RPTOR: variants seen among roughly 807,000 people sequenced by gnomAD.
RPTOR encodes regulatory associated protein of MTOR complex 1.
RPTOR carries 21 observed loss-of-function variants against 169.9 expected under a neutral mutation model. The observed-to-expected ratio is 0.12, with a 90% CI of 0.09 to 0.18. The LOEUF (loss-of-function observed/expected upper bound fraction) is 0.18. Among genes scored for constraint, RPTOR ranks in the 10% least tolerant of loss-of-function variants. The pLI, the probability that RPTOR is intolerant of heterozygous loss-of-function variation, is 1.00. For missense variants in RPTOR, 1,133 were observed against 1,855.9 expected (o/e 0.61, Z 7.16); for synonymous variants, 732 against 753.2 (o/e 0.97, Z 0.46).
In RPTOR at chr17:80,949,542, C is replaced by T. The variant is rs749994413; in HGVS notation, c.3365C>T (p.Thr1122Met). The change falls in exon 28 of 34, where the codon ACG becomes ATG. Residue 1122 changes from threonine (T) to methionine (M), a missense_variant. By Grantham distance (81) the Thr-to-Met change is moderately conservative. This residue lies in a region of RPTOR where 410 missense variants were observed against 623.7 expected (regional missense o/e 0.66). Coordinates refer to ENST00000306801, the MANE Select transcript of RPTOR (RefSeq NM_020761.3). Reference protein sequence around the residue: ...WQGLSDMLPTTRGAGMVVDWE... With the variant: ...WQGLSDMLPTMRGAGMVVDWE... The stretch of plus-strand genomic sequence containing the variant: ...GGGCTCTCGGACATGCTGCCAACGA[C>T]GCGAGGTGGGTCCGCCCGGCTCCTC... The T allele has an allele frequency of 4.0e-5, 65 of 1,613,450 alleles. No homozygotes were observed. Among genetic ancestry groups the T allele is most frequent in the Admixed American group, 3.0e-4 (18 of 60,012 alleles).
At chr17:80,601,034 C>T (rs1054635881) in intron 1 of RPTOR, among the ~76,000 whole-genome samples, 1 of 152,160 alleles carries the variant, frequency 6.6e-6, no homozygotes, top group African/African-American at 2.4e-5. Context: ...GGAAATGGCG[C>T]TCTTGGCTGG....
At chr17:80,701,715 G>A (rs902945549) in intron 3 of RPTOR, among the ~76,000 whole-genome samples, 1 of 152,194 alleles carries the variant, frequency 6.6e-6, no homozygotes, top group African/African-American at 2.4e-5. Flanking sequence ...CTATAGGATG[G>A]GAGGATGGCA....
intron 5 of RPTOR, 124 bp from the exon 6 acceptor site, chr17:80,753,886 T>C (rs370420927): frequency 1.0e-5 from 9 of 903,332 alleles, no homozygotes; most frequent in African/African-American, 3.3e-5. Flanking sequence ...CAGAGGACTT[T>C]CCAGTGAAAA....
At position 80,659,569 on chromosome 17, in the gene RPTOR, C is replaced by T. The variant is rs113548099; in HGVS notation, c.348+15759C>T. ...TGTCGCCAGGCTGGATACAGTGGCA[C>T]GATCTTGGCTCACTGCAACCTCTGC... On this transcript the variant is annotated intron_variant, in intron 3 of 33. Coordinates refer to ENST00000306801, the MANE Select transcript of RPTOR (RefSeq NM_020761.3). This position sits in a 1 kb window ranked among gnomAD's most constrained non-coding sequence, Gnocchi z 4.3. Among the ~76,000 whole-genome samples, 1,443 of 152,160 alleles carry T rather than the reference C, an allele frequency of 9.5e-3. 12 individuals carry two copies. The highest frequency in any genetic ancestry group is 0.016 in the Non-Finnish European group (1,081 of 68,006).
At chr17:80,907,690 T>G (rs778084737) in intron 20 of RPTOR, among the ~76,000 whole-genome samples, 6 of 152,242 alleles carry the variant, frequency 3.9e-5, no homozygotes, top group Non-Finnish European at 7.3e-5. Flanking sequence ...AATCTCTGAT[T>G]GGCTCCTGCA....
At chr17:80,728,627 G>C (rs1194264564) in intron 4 of RPTOR, among the ~76,000 whole-genome samples, 2 of 151,906 alleles carry the variant, frequency 1.3e-5, no homozygotes, top group Non-Finnish European at 2.9e-5. Flanking sequence ...TGATTTGTTT[G>C]TCTCCCTCAC....
chr17:80,665,338 C>T (rs1476096300), intron 3 of RPTOR, among the ~76,000 whole-genome samples: 3 of 5,830 alleles, frequency 5.1e-4, no homozygotes, highest in African/African-American at 4.5e-3. Context: ...TTTCCCTTTC[C>T]TTTCCTTTCC....
At chr17:80,829,520 C>T (rs932248903) in intron 9 of RPTOR, among the ~76,000 whole-genome samples, 6 of 152,178 alleles carry the variant, frequency 3.9e-5, no homozygotes, top group Non-Finnish European at 7.3e-5. Context: ...ACATCCAACC[C>T]GACACATCCA....
At chr17:80,824,743 C>T (rs1426231519) in intron 9 of RPTOR, among the ~76,000 whole-genome samples, 1 of 152,228 alleles carries the variant, frequency 6.6e-6, no homozygotes, top group African/African-American at 2.4e-5. Context: ...GGAATCAGTC[C>T]ATGGAAACCT....
At chr17:80,625,593 G>A in intron 1 of RPTOR, 98 bp from the exon 2 acceptor site, 1 of 920,312 alleles carries the variant, frequency 1.1e-6, no homozygotes. Flanking sequence ...GGGTAGGGAA[G>A]GGGCTCAATG....
chr17:80,928,165 C>CT (rs1212762095), intron 24 of RPTOR, among the ~76,000 whole-genome samples: 15 of 152,172 alleles, frequency 9.9e-5, no homozygotes, highest in African/African-American at 3.6e-4. Context: ...CTGATAGCAA[C>CT]TGCAGTCTTA....
intron 33 of RPTOR, 131 bp downstream of exon 33, chr17:80,963,188 A>G (rs1358554620): frequency 2.2e-6 from 2 of 913,372 alleles, no homozygotes; most frequent in Non-Finnish European, 3.3e-6. Context: ...TGCCTGAGGG[A>G]GGGACTTGCC....
At chr17:80,739,547 G>T (rs1423043966) in intron 5 of RPTOR, among the ~76,000 whole-genome samples, 1 of 152,134 alleles carries the variant, frequency 6.6e-6, no homozygotes, top group Non-Finnish European at 1.5e-5. Context: ...CGTCCATGCG[G>T]CATTCATCAA....
At chr17:80,868,689 CT>C (rs1449433117) in intron 13 of RPTOR, among the ~76,000 whole-genome samples, 2 of 152,172 alleles carry the variant, frequency 1.3e-5, no homozygotes, top group African/African-American at 4.8e-5. Flanking sequence ...TTCCTAGCAG[CT>C]TTATTTATAA....
intron 30 of RPTOR, among the ~76,000 whole-genome samples, chr17:80,961,163 A>G (rs1048842610): frequency 5.9e-5 from 9 of 152,218 alleles, no homozygotes; most frequent in African/African-American, 2.4e-5. Flanking sequence ...ACGGTGACCT[A>G]GGGCCCAGCC....
At chr17:80,606,945 G>C (rs533306675) in intron 1 of RPTOR, among the ~76,000 whole-genome samples, 3 of 152,196 alleles carry the variant, frequency 2.0e-5, no homozygotes, top group Non-Finnish European at 4.4e-5. Context: ...TCTAGAGGGA[G>C]CTACTCAGGT....
intron 3 of RPTOR, among the ~76,000 whole-genome samples, chr17:80,664,853 A>G (rs2065751793): frequency 6.6e-6 from 1 of 152,214 alleles, no homozygotes; most frequent in Admixed American, 6.5e-5. Flanking sequence ...ACAAAGTGAA[A>G]TATACTTTTC....
rs1449604472 is a variant in RPTOR at position 80,964,204 on chromosome 17, C to A, written c.3940-58C>A. The A allele has an allele frequency of 1.6e-5, 20 of 1,231,654 alleles. No homozygotes were observed. In the South Asian group the frequency reaches 1.8e-4, roughly 11 times the overall value. The allele number at this position is 1,231,654 out of a possible 1,614,324, so 76.3% of individuals were successfully genotyped here. A position where few individuals can be genotyped will look rare whatever the true frequency, so the allele number is the denominator to read the frequency against. On this transcript the variant is annotated intron_variant, in intron 33 of 33. Coordinates refer to ENST00000306801, the MANE Select transcript of RPTOR (RefSeq NM_020761.3). Reference sequence around the variant, plus strand: ...ATGCGGGTTGGCCTGCGCCCCCCCGCCCCCCGCAGTGTCTGCCCGCACCTG... The same window carrying A: ...ATGCGGGTTGGCCTGCGCCCCCCCGACCCCCGCAGTGTCTGCCCGCACCTG...
chr17:80,618,229 C>G (rs576533143), intron 1 of RPTOR, among the ~76,000 whole-genome samples: 8 of 152,224 alleles, frequency 5.3e-5, no homozygotes, highest in African/African-American at 1.7e-4. Context: ...TCAGGTGATC[C>G]GCCAGGCTTG....
Sources: gnomAD v4.1 joint callset for allele counts (sites outside exome capture counted in the v4.1 genomes callset) on GRCh38, gnomAD v4.1.1 for gene constraint, gnomAD v4.1.1 regional missense constraint, Gnocchi (gnomAD v3.1) non-coding constraint, MANE v1.5 for transcripts, NCBI Gene and HGNC (gene_info 2026-07-23, HGNC 2026-07-21) for gene names.